CAMTA1: variants seen among roughly 807,000 people sequenced by gnomAD.
CAMTA1 encodes calmodulin-binding transcription activator 1.
In CAMTA1, 27 loss-of-function variants were observed where a neutral mutation model predicts 170.9. The ratio of observed to expected loss-of-function variants is 0.16; its 90% CI spans 0.12 to 0.22. CAMTA1 has a LOEUF of 0.22. CAMTA1 is among the 10% of genes least tolerant of loss of function. CAMTA1 has a pLI of 1.00. For synonymous variants in CAMTA1, 833 were observed against 891.5 expected, an observed-to-expected ratio of 0.93 and a Z score of 1.17; for missense variants, 1,619 against 2,217.2, an observed-to-expected ratio of 0.73 and a Z score of 5.42.
At chr1:7,576,071 C>T (rs908459716) in intron 6 of CAMTA1, among the ~76,000 whole-genome samples, 3 of 152,086 alleles carry the variant, frequency 2.0e-5, no homozygotes, top group Non-Finnish European at 2.9e-5. Flanking sequence ...TGCAATGGTG[C>T]AATCTCGGCT....
Position 6,887,576 on chromosome 1 carries a change from A to C in CAMTA1, c.234+62366A>C. 1 of 1,521,222 alleles carries C rather than the reference A, an allele frequency of 6.6e-7. No individual in the cohort carries two copies. The highest frequency in any genetic ancestry group is 8.8e-7 in the Non-Finnish European group (1 of 1,139,104). 94.2% of individuals were successfully genotyped at this position (1,521,222 alleles called of 1,614,324 possible). ...GTCTCCTCCTCTCTCTGCCTCTGGA[A>C]ATGGGGCAAATTTTTCTTCAGTTAA... On this transcript the variant is annotated intron_variant, in intron 3 of 22. Coordinates refer to ENST00000303635, the MANE Select transcript of CAMTA1 (RefSeq NM_015215.4). This position sits in a 1 kb window ranked among gnomAD's most constrained non-coding sequence, Gnocchi z 4.1.
At chr1:7,632,430 C>T (rs565265186) in intron 6 of CAMTA1, among the ~76,000 whole-genome samples, 5 of 152,190 alleles carry the variant, frequency 3.3e-5, no homozygotes, top group Non-Finnish European at 4.4e-5. Flanking sequence ...AGAACTGGCA[C>T]GAGATTAATG....
chr1:7,649,431 G>A (rs1055919163), intron 7 of CAMTA1, among the ~76,000 whole-genome samples: 8 of 152,188 alleles, frequency 5.3e-5, no homozygotes, highest in African/African-American at 1.9e-4. Context: ...CTGCCATGAG[G>A]AGCAGGCAGG....
At chr1:7,686,467 C>A (rs2096258748) in intron 11 of CAMTA1, among the ~76,000 whole-genome samples, 2 of 142,820 alleles carry the variant, frequency 1.4e-5, no homozygotes, top group South Asian at 4.6e-4. Flanking sequence ...GCAAGCCTGG[C>A]GCGTTGGGGG....
At chr1:7,138,606 T>A (rs1162545494) in intron 4 of CAMTA1, among the ~76,000 whole-genome samples, 12 of 152,238 alleles carry the variant, frequency 7.9e-5, no homozygotes, top group Admixed American at 7.9e-4. Context: ...GTGGGCATCA[T>A]TTCTCTGTAG....
At chr1:7,639,794 A>G (rs1043694324) in intron 6 of CAMTA1, among the ~76,000 whole-genome samples, 1 of 151,356 alleles carries the variant, frequency 6.6e-6, no homozygotes. Context: ...AAAGTGCTTC[A>G]TTGCAGGGCT....
intron 5 of CAMTA1, among the ~76,000 whole-genome samples, chr1:7,464,489 C>A: frequency 6.6e-6 from 1 of 152,112 alleles, no homozygotes; most frequent in East Asian, 1.9e-4. Flanking sequence ...TGGTAATGAC[C>A]TTGTCATATG....
intron 5 of CAMTA1, among the ~76,000 whole-genome samples, chr1:7,430,758 C>G (rs1019320035): frequency 6.6e-6 from 1 of 152,192 alleles, no homozygotes; most frequent in Non-Finnish European, 1.5e-5. Flanking sequence ...GGAGAGGCCT[C>G]TATTTCTGCC....
At chr1:7,639,958 G>A (rs981392954) in intron 6 of CAMTA1, among the ~76,000 whole-genome samples, 3 of 152,260 alleles carry the variant, frequency 2.0e-5, no homozygotes, top group South Asian at 4.1e-4. Context: ...GGGGCAACGC[G>A]TGTTGGGCGT....
intron 3 of CAMTA1, among the ~76,000 whole-genome samples, chr1:6,858,572 G>A (rs1663401805): frequency 6.6e-6 from 1 of 151,488 alleles, no homozygotes; most frequent in Non-Finnish European, 1.5e-5. Context: ...TATTAAATAA[G>A]TTAAATTTCT....
At chr1:7,384,951 A>T (rs1440030524) in intron 5 of CAMTA1, among the ~76,000 whole-genome samples, 2 of 152,158 alleles carry the variant, frequency 1.3e-5, no homozygotes, top group African/African-American at 4.8e-5. Context: ...CCCAGGACTC[A>T]CAGCCTCTCC....
intron 4 of CAMTA1, among the ~76,000 whole-genome samples, chr1:7,159,238 T>G (rs538594147): frequency 3.3e-5 from 5 of 152,118 alleles, no homozygotes; most frequent in Non-Finnish European, 5.9e-5. Flanking sequence ...CTTATTTGAT[T>G]GCAAAACTTC....
intron 4 of CAMTA1, among the ~76,000 whole-genome samples, chr1:7,138,132 C>T (rs986962673): frequency 6.6e-5 from 10 of 152,100 alleles, no homozygotes; most frequent in South Asian, 2.1e-4. Context: ...ACCACTGGTG[C>T]GCACCACCAC....
chr1:7,150,985 A>T (rs11587739), intron 4 of CAMTA1, among the ~76,000 whole-genome samples: 2 of 152,094 alleles, frequency 1.3e-5, no homozygotes, highest in Non-Finnish European at 2.9e-5. Flanking sequence ...GCATTTGTTT[A>T]CAGGGCGAAA....
At chr1:6,808,098 G>A (rs1644733720) in intron 1 of CAMTA1, among the ~76,000 whole-genome samples, 1 of 151,946 alleles carries the variant, frequency 6.6e-6, no homozygotes, top group South Asian at 2.1e-4. Context: ...AGTACAGGGA[G>A]TGGGTGGAAT....
chr1:6,886,712 C>T (rs1250553141), intron 3 of CAMTA1, among the ~76,000 whole-genome samples: 1 of 152,232 alleles, frequency 6.6e-6, no homozygotes, highest in Non-Finnish European at 1.5e-5. Context: ...CCACATGCTT[C>T]CAGCTCATCC....
intron 6 of CAMTA1, among the ~76,000 whole-genome samples, chr1:7,564,725 T>TG (rs2095015172): frequency 6.6e-6 from 1 of 150,574 alleles, no homozygotes; most frequent in Non-Finnish European, 1.5e-5. Context: ...TCCAGTGGAG[T>TG]GAGGGCTCAG....
At chr1:6,895,396 T>C (rs887293694) in intron 3 of CAMTA1, among the ~76,000 whole-genome samples, 28 of 152,228 alleles carry the variant, frequency 1.8e-4, no homozygotes, top group South Asian at 6.2e-4. Context: ...CAAGCCACCT[T>C]CTTTTCTTTG....
intron 6 of CAMTA1, among the ~76,000 whole-genome samples, chr1:7,601,972 G>GGGGAGAGGGAGACCGTGGGGAGA (rs1277055075): frequency 1.4e-5 from 2 of 140,428 alleles, no homozygotes. Context: ...GGGAGACTGT[G>GGGGAGAGGGAGACCGTGGGGAGA]GGGAGAGGGA....
Sources: gnomAD v4.1 joint callset for allele counts (sites outside exome capture counted in the v4.1 genomes callset) on GRCh38, gnomAD v4.1.1 for gene constraint, Gnocchi (gnomAD v3.1) non-coding constraint, MANE v1.5 for transcripts, NCBI Gene and HGNC (gene_info 2026-07-23, HGNC 2026-07-21) for gene names.